CAB39: variants seen among roughly 807,000 people sequenced by gnomAD.
The protein encoded by CAB39 is calcium-binding protein 39.
CAB39 carries 8 observed loss-of-function variants against 40.0 expected under a neutral mutation model. The ratio of observed to expected loss-of-function variants is 0.20; its 90% CI spans 0.12 to 0.36. The LOEUF is 0.36. Ranked by LOEUF, CAB39 falls within the 10% of genes least tolerant of loss-of-function variation. The pLI is 1.00. For synonymous variants in CAB39, 156 were observed against 141.6 expected, an observed-to-expected ratio of 1.10 and a Z score of -0.72; for missense variants, 270 against 401.1, an observed-to-expected ratio of 0.67 and a Z score of 2.79.
At chr2:230,802,214 A>G (rs183269387) in intron 5 of CAB39, among the ~76,000 whole-genome samples, 17 of 152,382 alleles carry the variant, frequency 1.1e-4, no homozygotes, top group Admixed American at 2.0e-4. Context: ...TTTGAAACCA[A>G]TGAGAACAAA....
rs749304040 is a variant in CAB39 at position 230,814,109 on chromosome 2, C to G, written c.688C>G (p.Leu230Val). 6.9e-7 allele frequency: 1 copy of G among 1,439,974 alleles called. No homozygotes were observed. Among genetic ancestry groups the G allele is most frequent in the Non-Finnish European group, 9.5e-7 (1 of 1,048,408 alleles). The allele number at this position is 1,439,974 out of a possible 1,614,324, so 89.2% of individuals were successfully genotyped here. The change falls in exon 7 of 9, where the codon CTG becomes GTG. Residue 230 changes from leucine (L) to valine (V), a missense_variant. Leu to Val is a conservative substitution (Grantham distance 32). Transcript: ENST00000258418. ...SENYVTKRQSLKLLGELLLDR... is the reference protein window; with the variant it reads ...SENYVTKRQSVKLLGELLLDR... ...AAATTATGTGACAAAAAGACAGTCACTGAAGGTATGACAGACCATTTTGTA... is the reference window on the plus strand; with the variant it reads ...AAATTATGTGACAAAAAGACAGTCAGTGAAGGTATGACAGACCATTTTGTA...
intron 2 of CAB39, among the ~76,000 whole-genome samples, chr2:230,783,763 A>G (rs1204475369): frequency 1.3e-5 from 2 of 152,074 alleles, no homozygotes; most frequent in East Asian, 3.8e-4. Flanking sequence ...TGGCCTCCCA[A>G]AGTGCTGGGA....
intron 1 of CAB39, among the ~76,000 whole-genome samples, chr2:230,717,886 C>T (rs778987399): frequency 1.3e-5 from 2 of 152,138 alleles, no homozygotes; most frequent in African/African-American, 2.4e-5. Flanking sequence ...CAGAGAATTG[C>T]GGGAGGTCAT....
At chr2:230,792,364 G>T (rs113494559) in intron 3 of CAB39, among the ~76,000 whole-genome samples, 7 of 152,284 alleles carry the variant, frequency 4.6e-5, no homozygotes, top group African/African-American at 1.7e-4. Context: ...CTTAAGGCTG[G>T]TTCTTAGAGA....
intron 4 of CAB39, 68 bp from the exon 5 acceptor site, chr2:230,798,661 T>G (rs1177056702): frequency 1.5e-6 from 2 of 1,326,362 alleles, no homozygotes; most frequent in East Asian, 2.4e-5. Context: ...AAGTTTGAAC[T>G]GTTCAGTGTT....
intron 4 of CAB39, among the ~76,000 whole-genome samples, chr2:230,798,179 T>C (rs931949502): frequency 2.0e-5 from 3 of 152,166 alleles, no homozygotes; most frequent in African/African-American, 7.2e-5. Context: ...GGGGACACTT[T>C]GTGAAGTCCT....
At chr2:230,811,377 C>T (rs527622679) in intron 6 of CAB39, among the ~76,000 whole-genome samples, 2 of 152,158 alleles carry the variant, frequency 1.3e-5, no homozygotes, top group Admixed American at 1.3e-4. Context: ...GCACACAAGT[C>T]CTTCATAAGT....
chr2:230,805,146 G>C (rs971952447), intron 5 of CAB39, among the ~76,000 whole-genome samples: 13 of 151,412 alleles, frequency 8.6e-5, no homozygotes, highest in African/African-American at 2.7e-4. Context: ...CTGTTGCAAG[G>C]ACAGAAAACC....
rs999055026 is a variant in CAB39 at position 230,725,080 on chromosome 2, G to A, written c.-44+11850G>A. ...CTTTTCCTTCGTAGAGGACAGGGGA[G>A]GAGTCCCTACTCGGCTGCAAACTCT... On this transcript the variant is annotated intron_variant, in intron 1 of 8. Coordinates refer to ENST00000258418, the MANE Select transcript of CAB39 (RefSeq NM_016289.4). 5.2e-6 allele frequency: 8 copies of A among 1,547,886 alleles called. No homozygotes were observed. In the African/African-American group the frequency reaches 8.2e-5, roughly 16 times the overall value.
chr2:230,817,900 A>G lies in CAB39; in HGVS notation c.837+3A>G, dbSNP rs745461323. The G allele has an allele frequency of 5.6e-6, 9 of 1,610,026 alleles. No homozygotes were observed. The highest frequency in any genetic ancestry group is 7.6e-6 in the Non-Finnish European group (9 of 1,178,922). Reference sequence around the variant, plus strand: ...TTGAGGCCTTTCACGTTTTTAAGGTAGAGTACTAGAAGCATCAGTGATACT... The same window carrying G: ...TTGAGGCCTTTCACGTTTTTAAGGTGGAGTACTAGAAGCATCAGTGATACT... On this transcript the variant is annotated splice_donor_region_variant and intron_variant, in intron 8 of 8. Coordinates refer to ENST00000258418, the MANE Select transcript of CAB39 (RefSeq NM_016289.4).
At chr2:230,729,403 A>G (rs1189283049) in intron 1 of CAB39, among the ~76,000 whole-genome samples, 1 of 152,244 alleles carries the variant, frequency 6.6e-6, no homozygotes, top group Non-Finnish European at 1.5e-5. Context: ...GTATTTGCAG[A>G]CAGTCACAAT....
chr2:230,772,052 A>G (rs1014220037), intron 2 of CAB39, among the ~76,000 whole-genome samples: 4 of 152,232 alleles, frequency 2.6e-5, no homozygotes, highest in Non-Finnish European at 5.9e-5. Flanking sequence ...AGCACAATTC[A>G]TTTTAAAAAA....
intron 2 of CAB39, among the ~76,000 whole-genome samples, chr2:230,787,931 T>C (rs1043278638): frequency 1.3e-5 from 2 of 152,234 alleles, no homozygotes; most frequent in African/African-American, 2.4e-5. Flanking sequence ...CGTAAATTTG[T>C]CTAACAACTA....
chr2:230,757,454 C>G (rs892736332), intron 1 of CAB39, among the ~76,000 whole-genome samples: 1 of 152,142 alleles, frequency 6.6e-6, no homozygotes, highest in African/African-American at 2.4e-5. Context: ...TCTTAGCTGG[C>G]TGGTATATTA....
chr2:230,757,166 G>GTGTA (rs1417579845), intron 1 of CAB39, among the ~76,000 whole-genome samples: 1 of 152,130 alleles, frequency 6.6e-6, no homozygotes, highest in Non-Finnish European at 1.5e-5. Flanking sequence ...GGAGTGCAGT[G>GTGTA]GTACAGTCAC....
At chr2:230,770,200 T>A (rs1695458192) in intron 2 of CAB39, among the ~76,000 whole-genome samples, 1 of 150,692 alleles carries the variant, frequency 6.6e-6, no homozygotes, top group African/African-American at 2.4e-5. Flanking sequence ...AAAAAAAAAT[T>A]AAAAGATCAA....
rs754312022 is a variant in CAB39, at chr2:230,790,905, A to G, written c.148A>G (p.Met50Val). The change falls in exon 3 of 9, where the codon ATG becomes GTG. Residue 50 changes from methionine to valine, a missense_variant. Coordinates refer to ENST00000258418, the MANE Select transcript of CAB39 (RefSeq NM_016289.4). The stretch of plus-strand genomic sequence containing the variant: ...AGAAGTTTCCAAAAATCTGGTTGCC[A>G]TGAAAGAAATTCTGTATGGCACAAA... ...TEEVSKNLVA[M>V]KEILYGTNEK... 23 of 1,608,348 alleles carry G rather than the reference A, an allele frequency of 1.4e-5. No homozygotes were observed. The highest frequency in any genetic ancestry group is 2.2e-5 in the East Asian group (1 of 44,870).
chr2:230,797,661 TA>T (rs1696011816), intron 4 of CAB39, among the ~76,000 whole-genome samples: 1 of 151,972 alleles, frequency 6.6e-6, no homozygotes, highest in Non-Finnish European at 1.5e-5. Context: ...GAGGTGGGGT[TA>T]GTAGTCATGG....
chr2:230,758,067 G>A (rs376280099), intron 1 of CAB39, among the ~76,000 whole-genome samples: 11 of 152,162 alleles, frequency 7.2e-5, no homozygotes, highest in Admixed American at 3.3e-4. Flanking sequence ...GGGAGGCCGA[G>A]GTGGGTGGCT....
Sources: allele counts gnomAD v4.1 joint callset (sites outside exome capture counted in the v4.1 genomes callset), GRCh38; gene constraint gnomAD v4.1.1; transcripts MANE v1.5; gene names NCBI Gene and HGNC (gene_info 2026-07-23, HGNC 2026-07-21).